Variants in CNTN1 observed in about 807,000 individuals in gnomAD.
CNTN1 encodes contactin 1.
CNTN1 carries 38 observed loss-of-function variants against 126.4 expected under a neutral mutation model. The ratio of observed to expected loss-of-function variants is 0.30; its 90% CI spans 0.23 to 0.39. The LOEUF (loss-of-function observed/expected upper bound fraction) is 0.39, where lower values mean the gene tolerates loss of function less well. Ranked by LOEUF, CNTN1 falls within the 10% of genes least tolerant of loss-of-function variation. The probability of loss-of-function intolerance (pLI) is 1.00; values close to 1 mark genes in which losing one functional copy is unlikely to be tolerated. For synonymous variants in CNTN1, 413 were observed against 422.6 expected (o/e 0.98, Z 0.28); for missense variants, 1,009 against 1,248.4 (o/e 0.81, Z 2.89).
intron 19 of CNTN1, among the ~76,000 whole-genome samples, chr12:41,019,743 T>G (rs1350893134): frequency 6.6e-6 from 1 of 152,198 alleles, no homozygotes; most frequent in Non-Finnish European, 1.5e-5. Flanking sequence ...TGTTACAACT[T>G]GTTTCAAAGG....
chr12:40,705,009 A>G (rs1015598582), intron 1 of CNTN1, among the ~76,000 whole-genome samples: 4 of 152,188 alleles, frequency 2.6e-5, no homozygotes, highest in Non-Finnish European at 4.4e-5. Context: ...TACTCTGATA[A>G]CATTATATAT....
At chr12:40,815,205 G>C (rs532611254) in intron 1 of CNTN1, among the ~76,000 whole-genome samples, 1 of 152,134 alleles carries the variant, frequency 6.6e-6, no homozygotes, top group African/African-American at 2.4e-5. Flanking sequence ...ATGGTAGTTT[G>C]ATGGGAATAG....
intron 23 of CNTN1, among the ~76,000 whole-genome samples, chr12:41,055,176 T>C (rs543006436): frequency 6.6e-6 from 1 of 152,276 alleles, no homozygotes; most frequent in East Asian, 1.9e-4. Context: ...GTCTATGAAT[T>C]AATGAAATGG....
intron 1 of CNTN1, among the ~76,000 whole-genome samples, chr12:40,879,096 C>A (rs2136691984): frequency 6.6e-6 from 1 of 152,240 alleles, no homozygotes; most frequent in Non-Finnish European, 1.5e-5. Context: ...ACAGGCTGTG[C>A]CTTGGAGTTG....
chr12:40,817,906 AT>A (rs947962577), intron 1 of CNTN1, among the ~76,000 whole-genome samples: 2 of 151,932 alleles, frequency 1.3e-5, no homozygotes, highest in Admixed American at 6.6e-5. Flanking sequence ...AAAGGATTTT[AT>A]TTTTCCTTTG....
intron 23 of CNTN1, among the ~76,000 whole-genome samples, chr12:41,048,939 C>G (rs773370447): frequency 2.3e-4 from 35 of 152,296 alleles, no homozygotes; most frequent in Non-Finnish European, 3.8e-4. Flanking sequence ...TTGTTCCAAT[C>G]AGATTTTCAC....
At chr12:41,062,140 A>G (rs2121111853) in intron 23 of CNTN1, among the ~76,000 whole-genome samples, 1 of 152,312 alleles carries the variant, frequency 6.6e-6, no homozygotes, top group East Asian at 1.9e-4. Context: ...CTTAAAACCA[A>G]TTAGTGTGAC....
chr12:40,842,847 T>C (rs1942339233), intron 1 of CNTN1, among the ~76,000 whole-genome samples: 1 of 152,172 alleles, frequency 6.6e-6, no homozygotes, highest in South Asian at 2.1e-4. Flanking sequence ...GGATTTGTTA[T>C]GTTTAATGTA....
At chr12:40,781,512 C>A (rs994910087) in intron 1 of CNTN1, among the ~76,000 whole-genome samples, 6 of 151,880 alleles carry the variant, frequency 4.0e-5, no homozygotes, top group Non-Finnish European at 2.9e-5. Flanking sequence ...ATTTCTTCTG[C>A]ATGTATTAGG....
At chr12:40,965,244 A>T (rs1298040492) in intron 15 of CNTN1, among the ~76,000 whole-genome samples, 1 of 152,132 alleles carries the variant, frequency 6.6e-6, no homozygotes, top group Non-Finnish European at 1.5e-5. Flanking sequence ...CTACCCCTTC[A>T]TTTAACAACT....
At chr12:40,882,890 A>G (rs986313109) in intron 1 of CNTN1, among the ~76,000 whole-genome samples, 52 of 151,578 alleles carry the variant, frequency 3.4e-4, no homozygotes, top group African/African-American at 1.2e-3. Context: ...TGATTTTTAC[A>G]TTTTAGCTTC....
chr12:41,047,500 C>G (rs927932826), intron 23 of CNTN1, among the ~76,000 whole-genome samples: 4 of 152,034 alleles, frequency 2.6e-5, no homozygotes, highest in African/African-American at 7.2e-5. Flanking sequence ...AGTTGACCTT[C>G]CTTTTTGTCA....
chr12:40,906,407 G>A (rs752441252), intron 1 of CNTN1, among the ~76,000 whole-genome samples: 25 of 152,050 alleles, frequency 1.6e-4, no homozygotes, highest in Non-Finnish European at 2.9e-4. Flanking sequence ...GGAAAAATAT[G>A]TTTATCCTGG....
At chr12:40,868,692 T>C (rs1449950434) in intron 1 of CNTN1, among the ~76,000 whole-genome samples, 1 of 152,128 alleles carries the variant, frequency 6.6e-6, no homozygotes, top group Admixed American at 6.6e-5. Flanking sequence ...CCATTGATCC[T>C]GTGGCTGATT....
intron 1 of CNTN1, among the ~76,000 whole-genome samples, chr12:40,904,270 G>A (rs1433859775): frequency 6.6e-6 from 1 of 151,938 alleles, no homozygotes; most frequent in Non-Finnish European, 1.5e-5. Context: ...CGTCCACCTT[G>A]GCCTCCCAAA....
chr12:40,843,262 A>C (rs752570628), intron 1 of CNTN1, among the ~76,000 whole-genome samples: 25 of 152,210 alleles, frequency 1.6e-4, no homozygotes, highest in African/African-American at 6.0e-4. Context: ...GTGATAAAGC[A>C]TAAATATTTT....
intron 1 of CNTN1, among the ~76,000 whole-genome samples, chr12:40,783,780 T>G (rs1289545654): frequency 1.3e-5 from 2 of 152,136 alleles, no homozygotes; most frequent in Admixed American, 1.3e-4. Flanking sequence ...TAGAAATTCA[T>G]TTTGAGAGAT....
chr12:40,855,927 T>TA (rs766196103), intron 1 of CNTN1, among the ~76,000 whole-genome samples: 2 of 152,182 alleles, frequency 1.3e-5, no homozygotes, highest in Non-Finnish European at 2.9e-5. Context: ...ATTTAGTTGC[T>TA]AGCCATTCAC....
At chr12:40,997,974 C>A (rs1948261444) in intron 17 of CNTN1, among the ~76,000 whole-genome samples, 1 of 151,652 alleles carries the variant, frequency 6.6e-6, no homozygotes, top group Admixed American at 6.6e-5. Context: ...ACACAATGTC[C>A]ATAGTTGGTA....
Sources: allele counts gnomAD v4.1 joint callset (sites outside exome capture counted in the v4.1 genomes callset), GRCh38; gene constraint gnomAD v4.1.1; transcripts MANE v1.5; gene names NCBI Gene and HGNC (gene_info 2026-07-23, HGNC 2026-07-21).